Variants in AGRN observed in about 807,000 individuals in gnomAD.
AGRN encodes agrin.
Under a neutral mutation model 211.0 loss-of-function variants are expected in AGRN, and 106 were observed. The observed-to-expected ratio is 0.50, with a 90% CI of 0.43 to 0.59. The LOEUF (loss-of-function observed/expected upper bound fraction) is 0.59. AGRN is among the 20% of genes least tolerant of loss of function. The probability of loss-of-function intolerance (pLI) is 0.00; values close to 1 mark genes in which losing one functional copy is unlikely to be tolerated. For missense variants in AGRN, 3,040 were observed against 2,982.6 expected, an observed-to-expected ratio of 1.02 and a Z score of -0.45; for synonymous variants, 1,525 against 1,332.5, an observed-to-expected ratio of 1.14 and a Z score of -3.15.
chr1:1,049,116 G>GGA, intron 24 of AGRN, 57 bp downstream of exon 24: 1 of 934,000 alleles, frequency 1.1e-6, no homozygotes, highest in South Asian at 1.9e-5. Context: ...GGGGACGGGC[G>GGA]GGGGAGGGGG....
At chr1:1,023,119 A>G (rs1191638404) in intron 2 of AGRN, among the ~76,000 whole-genome samples, 1 of 152,040 alleles carries the variant, frequency 6.6e-6, no homozygotes, top group Non-Finnish European at 1.5e-5. Context: ...TGTCGCCCCC[A>G]CATCCTGTCT....
chr1:1,023,865 C>G (rs1380787305), intron 2 of AGRN, among the ~76,000 whole-genome samples: 1 of 152,148 alleles, frequency 6.6e-6, no homozygotes, highest in East Asian at 1.9e-4. Flanking sequence ...GGAGCCCCTG[C>G]CAGGTGGGTG....
rs772899032 is a variant in AGRN, at chr1:1,049,905, C to T, written c.4747C>T (p.Pro1583Ser). ...HCQCPPGRVG[P>S]TCADEKSPCQ... is the part of the protein sequence containing the mutation. ...CGGTCCCGTCTTCCTCCATCCAGGA[C>T]CAACCTGTGCCGATGAGAAGAGCCC... The change falls in exon 27 of 36, where the codon CCA (proline) becomes TCA (serine). Residue 1583 changes from proline to serine, a missense_variant and splice_region_variant. Physicochemically the swap from Pro to Ser is moderately conservative, Grantham distance 74 (BLOSUM62 -1). Transcript: ENST00000379370. 1.9e-6 allele frequency: 3 copies of T among 1,610,800 alleles called. No individual in the cohort carries two copies. The highest frequency in any genetic ancestry group is 2.2e-5 in the East Asian group (1 of 44,800).
At position 1,020,300 on chromosome 1, in the gene AGRN, C is replaced by T; in HGVS notation, c.128C>T (p.Ala43Val). ...ERALERREEE[A>V]NVVLTGTVEE... The stretch of plus-strand genomic sequence containing the variant: ...GCGCTGGAGCGGCGCGAGGAGGAGG[C>T]GAACGTGGTGCTCACCGGGACGGTG... The change falls in exon 1 of 36, where the codon GCG (alanine) becomes GTG (valine). Residue 43 changes from alanine (A) to valine (V), a missense_variant. By Grantham distance (64) the Ala-to-Val change is moderately conservative (BLOSUM62 0). This residue lies in a region of AGRN where 1,498 missense variants were observed against 1,457.8 expected (regional missense o/e 1.03). Coordinates refer to ENST00000379370, the MANE Select transcript of AGRN (RefSeq NM_198576.4). The T allele has an allele frequency of 6.8e-7, 1 of 1,477,812 alleles. No homozygotes were observed. The highest frequency in any genetic ancestry group is 9.0e-7 in the Non-Finnish European group (1 of 1,113,464). 91.5% of individuals were successfully genotyped at this position (1,477,812 alleles called of 1,614,324 possible). A position where few individuals can be genotyped will look rare whatever the true frequency, so the allele number is the denominator to read the frequency against.
At chr1:1,036,332 T>C (rs574922460) in intron 3 of AGRN, among the ~76,000 whole-genome samples, 33 of 152,178 alleles carry the variant, frequency 2.2e-4, no homozygotes, top group African/African-American at 7.7e-4. Context: ...TGGGGGCAGC[T>C]TGGGATGCTC....
Position 1,043,434 on chromosome 1 carries a change from A to G in AGRN, c.1580A>G (p.Gln527Arg). 6.2e-7 allele frequency: 1 copy of G among 1,606,832 alleles called. No homozygotes were observed. Residue 527 changes from glutamine (Q) to arginine (R), a missense_variant, in exon 8 of 36, where the codon CAG (glutamine) becomes CGG (arginine). Transcript: ENST00000379370. ...ATACTLGREIQVARKGPCDRC... is the reference protein window; with the variant it reads ...ATACTLGREIRVARKGPCDRC... ...GCCTGTACCCTCGGGCGGGAGATCC[A>G]GGTGGCGCGCAAAGGACCCTGTGGT...
chr1:1,043,333 G>A lies in AGRN; in HGVS notation c.1479G>A (p.Ala493=), dbSNP rs756019159. The A allele has an allele frequency of 1.7e-5, 27 of 1,608,138 alleles. No individual in the cohort carries two copies. Among genetic ancestry groups the A allele is most frequent in the Admixed American group, 6.8e-5 (4 of 58,984 alleles). The change falls in exon 8 of 36, where the codon GCG becomes GCA. Residue 493 remains alanine, a synonymous_variant. Coordinates refer to ENST00000379370, the MANE Select transcript of AGRN (RefSeq NM_198576.4). ...AGGCAGCGTGTGAATGCCTGCAGGCGTGCTCGAGCCTCTACGATCCTGTGT... is the reference window on the plus strand; with the variant it reads ...AGGCAGCGTGTGAATGCCTGCAGGCATGCTCGAGCCTCTACGATCCTGTGT... ...NGQAACECLQ[A]CSSLYDPVCG...
Position 1,050,553 on chromosome 1 carries a change from G to A in AGRN, c.5103G>A (p.Glu1701=), listed in dbSNP as rs759761792. The A allele has an allele frequency of 6.2e-7, 1 of 1,612,496 alleles. No individual in the cohort carries two copies. The highest frequency in any genetic ancestry group is 8.5e-7 in the Non-Finnish European group (1 of 1,179,764). The change falls in exon 29 of 36, where the codon GAG becomes GAA. Residue 1701 remains glutamate, a synonymous_variant. Coordinates refer to ENST00000379370, the MANE Select transcript of AGRN (RefSeq NM_198576.4). Reference sequence around the variant, plus strand: ...TGGCACTGCGGGACCGCCGCCTGGAGTTCCGCTACGACCTGGGCAAGGGGG... The same window carrying A: ...TGGCACTGCGGGACCGCCGCCTGGAATTCCGCTACGACCTGGGCAAGGGGG... ...VSLALRDRRL[E]FRYDLGKGAA... is the part of the protein sequence containing the mutation.
At chr1:1,042,320 C>T (rs1015807147) in intron 7 of AGRN, among the ~76,000 whole-genome samples, 158 bp downstream of exon 7, 13 of 152,172 alleles carry the variant, frequency 8.5e-5, no homozygotes, top group African/African-American at 2.4e-4. Context: ...AGCCTGTGTG[C>T]GGAGGGTACC....
rs1265675442 is a variant in AGRN at position 1,046,827 on chromosome 1, G to T, written c.3258G>T (p.Glu1086Asp). Residue 1086 changes from glutamate (E) to aspartate (D), a missense_variant, in exon 19 of 36, where the codon GAG (glutamate) becomes GAT (aspartate). By Grantham distance (45) the Glu-to-Asp change is conservative. Transcript: ENST00000379370. Reference protein sequence around the residue: ...EASGGGSGGLEPLEGSSVATP... With the variant: ...EASGGGSGGLDPLEGSSVATP... ...CAGAGCGCGTCTCCCCAGGGCTCGAGCCCTTGGAGGGCAGCAGCGTGGCCA... is the reference window on the plus strand; with the variant it reads ...CAGAGCGCGTCTCCCCAGGGCTCGATCCCTTGGAGGGCAGCAGCGTGGCCA... The T allele has an allele frequency of 1.0e-5, 16 of 1,583,780 alleles. No individual in the cohort carries two copies. Among genetic ancestry groups the T allele is most frequent in the Non-Finnish European group, 1.3e-5 (15 of 1,168,570 alleles).
chr1:1,022,358 C>T lies in AGRN; in HGVS notation c.359C>T (p.Ala120Val), dbSNP rs1644424943. ...GDTRIFFVNP[A>V]PPYLWPAHKN... ...ACCAGGATCTTCTTTGTGAACCCTG[C>T]ACCCCCATACCTGTGGCCAGCCCAC... The change falls in exon 2 of 36, where the codon GCA (alanine) becomes GTA (valine). Residue 120 changes from alanine (A) to valine (V), a missense_variant. Ala to Val is a moderately conservative substitution (Grantham distance 64, BLOSUM62 0). This residue lies in a region of AGRN where 1,498 missense variants were observed against 1,457.8 expected (regional missense o/e 1.03). Transcript: ENST00000379370. 5.0e-6 allele frequency: 8 copies of T among 1,613,368 alleles called. No homozygotes were observed. Among genetic ancestry groups the T allele is most frequent in the Non-Finnish European group, 6.8e-6 (8 of 1,180,002 alleles).
intron 33 of AGRN, chr1:1,052,551 G>A (rs1197127008): frequency 9.4e-6 from 2 of 213,090 alleles, no homozygotes; most frequent in Non-Finnish European, 1.9e-5. Context: ...ATGTATGTGT[G>A]TGTATATGAG....
chr1:1,034,137 C>G (rs975956333), intron 2 of AGRN: 5 of 985,252 alleles, frequency 5.1e-6, no homozygotes, highest in South Asian at 9.4e-5. Flanking sequence ...CCGCCTCTGC[C>G]GGGGACGGGG....
intron 1 of AGRN, among the ~76,000 whole-genome samples, chr1:1,021,743 G>A (rs892460986): frequency 6.6e-6 from 1 of 152,268 alleles, no homozygotes; most frequent in African/African-American, 2.4e-5. Flanking sequence ...GAAGCCCGAG[G>A]AAGGGGCGTC....
In AGRN at chr1:1,054,714, GC is replaced by G. The variant is rs1645404947; in HGVS notation, c.5981-108del. 1.3e-5 allele frequency: 20 copies of G among 1,497,774 alleles called. 1 individual carries two copies. The Middle Eastern group carries it at 3.5e-3, about 261-fold the overall frequency. 92.8% of individuals were successfully genotyped at this position (1,497,774 alleles called of 1,614,324 possible). A position where few individuals can be genotyped will look rare whatever the true frequency, so the allele number is the denominator to read the frequency against. On this transcript the variant is annotated intron_variant, in intron 35 of 35. Coordinates refer to ENST00000379370, the MANE Select transcript of AGRN (RefSeq NM_198576.4). ...CCCCTGCAGTTCCCAGTGCTGTGGG[GC>G]CGGGAGGCGGGTGCCCAGGTGTGGG...
At chr1:1,037,332 C>T (rs1027263217) in intron 3 of AGRN, among the ~76,000 whole-genome samples, 4 of 152,176 alleles carry the variant, frequency 2.6e-5, no homozygotes, top group African/African-American at 7.2e-5. Context: ...TACACACTGC[C>T]CCCTTCACCT....
rs752262659 is a variant in AGRN at position 1,047,409 on chromosome 1, C to G, written c.3471C>G (p.Pro1157=). 1 of 1,612,584 alleles carries G rather than the reference C, an allele frequency of 6.2e-7. No individual in the cohort carries two copies. The highest frequency in any genetic ancestry group is 8.5e-7 in the Non-Finnish European group (1 of 1,179,730). The change falls in exon 20 of 36, where the codon CCC becomes CCG. Residue 1157 remains proline (P), a synonymous_variant. Coordinates refer to ENST00000379370, the MANE Select transcript of AGRN (RefSeq NM_198576.4). ...TCTACACGCCCGAGATGGCTGACCC[C>G]AAGTCAGAACTGTTCGGGGAGACAG... ...ELFYTPEMAD[P]KSELFGETAR...
intron 3 of AGRN, among the ~76,000 whole-genome samples, chr1:1,037,882 G>A (rs1040416437): frequency 1.3e-5 from 2 of 152,124 alleles, no homozygotes; most frequent in African/African-American, 2.4e-5. Flanking sequence ...GGGTACGTGC[G>A]TGTGTGCCAT....
At chr1:1,030,001 T>C (rs1465669743) in intron 2 of AGRN, among the ~76,000 whole-genome samples, 2 of 80,846 alleles carry the variant, frequency 2.5e-5, no homozygotes, top group African/African-American at 5.4e-5. Flanking sequence ...GTGTGTGCAG[T>C]GCATGGTGCT....
Sources: gnomAD v4.1 joint callset for allele counts (sites outside exome capture counted in the v4.1 genomes callset) on GRCh38, gnomAD v4.1.1 for gene constraint, gnomAD v4.1.1 regional missense constraint, MANE v1.5 for transcripts, NCBI Gene and HGNC (gene_info 2026-07-23, HGNC 2026-07-21) for gene names.